RAB11FIP2: variants seen among roughly 807,000 people sequenced by gnomAD.
RAB11FIP2 encodes RAB11 family interacting protein 2, also known as rab11 family-interacting protein 2.
Under a neutral mutation model 40.9 loss-of-function variants are expected in RAB11FIP2, and 16 were observed. The observed-to-expected ratio is 0.39, with a 90% CI of 0.26 to 0.59. The LOEUF is 0.59. Ranked by LOEUF, RAB11FIP2 falls within the 20% of genes least tolerant of loss-of-function variation. The pLI is 0.53. For missense variants in RAB11FIP2, 532 were observed against 606.2 expected (o/e 0.88, Z 1.28); for synonymous variants, 228 against 213.7 (o/e 1.07, Z -0.58).
At position 118,040,328 on chromosome 10, in the gene RAB11FIP2, A is replaced by G. The variant is rs745423727; in HGVS notation, c.591T>C (p.Asn197=). Residue 197 remains asparagine (N), a synonymous_variant, in exon 2 of 5, where the codon AAT becomes AAC. Transcript: ENST00000355624. ...IIPSTHMPDA[N]SEFSSGEIQM... ...GTATTTCACCACTTGAAAATTCACT[A>G]TTGGCATCGGGCATGTGAGTACTTG... 4 of 1,613,890 alleles carry G rather than the reference A, an allele frequency of 2.5e-6. No individual in the cohort carries two copies. In the Admixed American group the frequency reaches 6.7e-5, roughly 27 times the overall value.
At chr10:118,042,438 A>T (rs1009800170) in intron 1 of RAB11FIP2, among the ~76,000 whole-genome samples, 1 of 152,156 alleles carries the variant, frequency 6.6e-6, no homozygotes, top group Non-Finnish European at 1.5e-5. Context: ...TAAAGAAAAA[A>T]ATCTAAAGTT....
At chr10:118,036,448 T>G (rs1036863656) in intron 3 of RAB11FIP2, among the ~76,000 whole-genome samples, 1 of 152,170 alleles carries the variant, frequency 6.6e-6, no homozygotes, top group South Asian at 2.1e-4. Flanking sequence ...GGGTTGATAC[T>G]GGGAGGAAAA....
intron 3 of RAB11FIP2, among the ~76,000 whole-genome samples, chr10:118,022,905 A>C (rs1385336419): frequency 2.0e-5 from 3 of 152,234 alleles, no homozygotes; most frequent in Admixed American, 6.5e-5. Flanking sequence ...AGTTCCACCA[A>C]CAAGATACCA....
chr10:118,009,160 C>T lies in RAB11FIP2; in HGVS notation c.1377G>A (p.Glu459=), dbSNP rs146055595. The part of the protein sequence containing the change: ...RSLTYEEVLQ[E]LVKHKELLRR... ...TAAGGAGTTCTTTGTGTTTCACCAGCTCCTGTAGAACCTCTTCATAGGTCA... is the reference window on the plus strand; with the variant it reads ...TAAGGAGTTCTTTGTGTTTCACCAGTTCCTGTAGAACCTCTTCATAGGTCA... The change falls in exon 5 of 5, where the codon GAG becomes GAA. Residue 459 remains glutamate, a synonymous_variant. Transcript: ENST00000355624. The T allele has an allele frequency of 1.9e-6, 3 of 1,613,598 alleles. No individual in the cohort carries two copies. Among genetic ancestry groups the T allele is most frequent in the Non-Finnish European group, 2.5e-6 (3 of 1,179,606 alleles).
chr10:118,040,633 A>G lies in RAB11FIP2; in HGVS notation c.354-68T>C, dbSNP rs916486705. 18 of 1,142,344 alleles carry G rather than the reference A, an allele frequency of 1.6e-5. 1 individual carries two copies. The Admixed American group carries it at 3.4e-4, about 21-fold the overall frequency. The allele number at this position is 1,142,344 out of a possible 1,614,324, so 70.8% of individuals were successfully genotyped here. A position where few individuals can be genotyped will look rare whatever the true frequency, so the allele number is the denominator to read the frequency against. ...GAGAGGATACTGAGTTCTGTTACATACAAATAGCCTTTTAGGTAAAGTAAC... is the reference window on the plus strand; with the variant it reads ...GAGAGGATACTGAGTTCTGTTACATGCAAATAGCCTTTTAGGTAAAGTAAC... On this transcript the variant is annotated intron_variant, in intron 1 of 4. Transcript: ENST00000355624.
chr10:118,023,003 C>T (rs1330675484), intron 3 of RAB11FIP2, among the ~76,000 whole-genome samples: 1 of 152,132 alleles, frequency 6.6e-6, no homozygotes, highest in Non-Finnish European at 1.5e-5. Context: ...GAGTGTTTTT[C>T]AGTTCTTTTT....
chr10:118,038,176 C>G (rs1040426009), intron 3 of RAB11FIP2, among the ~76,000 whole-genome samples: 1 of 151,690 alleles, frequency 6.6e-6, no homozygotes, highest in East Asian at 1.9e-4. Flanking sequence ...GCTATTTCAT[C>G]GTTTACTTCT....
At chr10:118,015,953 T>C (rs1564830632) in intron 3 of RAB11FIP2, among the ~76,000 whole-genome samples, 1 of 152,230 alleles carries the variant, frequency 6.6e-6, no homozygotes, top group Non-Finnish European at 1.5e-5. Flanking sequence ...CTGTAAAATA[T>C]GTATGTTTTC....
At chr10:118,019,829 GAAAAA>G (rs746080254) in intron 3 of RAB11FIP2, among the ~76,000 whole-genome samples, 1 of 98,926 alleles carries the variant, frequency 1.0e-5, no homozygotes. Context: ...CTGCCTCAAA[GAAAAA>G]AAAAAAAAAG....
In RAB11FIP2 at chr10:118,039,229, C is replaced by T. The variant is rs747204294; in HGVS notation, c.1008G>A (p.Met336Ile). 1.3e-5 allele frequency: 21 copies of T among 1,613,556 alleles called. No homozygotes were observed. The highest frequency in any genetic ancestry group is 7.7e-5 in the South Asian group (7 of 91,078). ...EESSETWDSS[M>I]NLFSKPIEIR... The stretch of plus-strand genomic sequence containing the variant: ...TTTCAATTGGTTTTGAAAATAAATT[C>T]ATGCTGCTGTCCCATGTTTCGCTGC... The change falls in exon 3 of 5, where the codon ATG becomes ATA. Residue 336 changes from methionine to isoleucine, a missense_variant. Physicochemically the swap from Met to Ile is conservative, Grantham distance 10. Coordinates refer to ENST00000355624, the MANE Select transcript of RAB11FIP2 (RefSeq NM_014904.3).
Position 118,046,142 on chromosome 10 carries a change from G to C in RAB11FIP2, c.22C>G (p.Gln8Glu), listed in dbSNP as rs1188042467. The C allele has an allele frequency of 6.2e-7, 1 of 1,613,986 alleles. No individual in the cohort carries two copies. Among genetic ancestry groups the C allele is most frequent in the Non-Finnish European group, 8.5e-7 (1 of 1,179,974 alleles). MMLSEQA[Q>E]KWFPTHVQVT... ...TGCACGTGGGTTGGAAACCACTTTT[G>C]GGCTTGCTCGGACAGCATCATCCTG... The change falls in exon 1 of 5, where the codon CAA (glutamine) becomes GAA (glutamate). Residue 8 changes from glutamine to glutamate, a missense_variant. By Grantham distance (29) the Gln-to-Glu change is conservative. Transcript: ENST00000355624.
intron 3 of RAB11FIP2, among the ~76,000 whole-genome samples, chr10:118,031,484 C>A (rs1327185780): frequency 1.3e-5 from 2 of 151,966 alleles, no homozygotes; most frequent in Non-Finnish European, 2.9e-5. Context: ...TTCCAGGTAA[C>A]CAATTTTTTT....
intron 3 of RAB11FIP2, among the ~76,000 whole-genome samples, chr10:118,035,081 C>A (rs1846464673): frequency 6.6e-6 from 1 of 152,114 alleles, no homozygotes; most frequent in African/African-American, 2.4e-5. Context: ...TCCTCTCTCT[C>A]CTCCTGCGCT....
At chr10:118,022,837 T>C (rs1846296985) in intron 3 of RAB11FIP2, among the ~76,000 whole-genome samples, 1 of 152,110 alleles carries the variant, frequency 6.6e-6, no homozygotes, top group Non-Finnish European at 1.5e-5. Context: ...CAGTACTTAA[T>C]AAAAATGTGT....
At chr10:118,010,896 G>A (rs948912298) in intron 4 of RAB11FIP2, among the ~76,000 whole-genome samples, 3 of 151,896 alleles carry the variant, frequency 2.0e-5, no homozygotes, top group African/African-American at 7.3e-5. Context: ...GGAAAATACT[G>A]TACAGGACAG....
At chr10:118,039,723 T>C (rs1846529970) in intron 2 of RAB11FIP2, 2 of 385,796 alleles carry the variant, frequency 5.2e-6, no homozygotes, top group Non-Finnish European at 9.2e-6. Flanking sequence ...GGCATGATAA[T>C]GTTAAAAATT....
At chr10:118,016,584 ATC>A (rs1846222367) in intron 3 of RAB11FIP2, among the ~76,000 whole-genome samples, 1 of 152,136 alleles carries the variant, frequency 6.6e-6, no homozygotes, top group Non-Finnish European at 1.5e-5. Flanking sequence ...AGTGGGATTA[ATC>A]TCTCCTACCC....
chr10:118,009,768 A>G (rs1846133940), intron 4 of RAB11FIP2, among the ~76,000 whole-genome samples: 1 of 152,136 alleles, frequency 6.6e-6, no homozygotes, highest in Non-Finnish European at 1.5e-5. Flanking sequence ...TCCTTACAGG[A>G]AGCCCCATGT....
intron 3 of RAB11FIP2, among the ~76,000 whole-genome samples, chr10:118,019,099 A>G (rs1368281295): frequency 6.6e-6 from 1 of 152,192 alleles, no homozygotes; most frequent in Admixed American, 6.5e-5. Flanking sequence ...TGTAAACCAT[A>G]AATTCCTGGT....
Sources: gnomAD v4.1 joint callset for allele counts (sites outside exome capture counted in the v4.1 genomes callset) on GRCh38, gnomAD v4.1.1 for gene constraint, MANE v1.5 for transcripts, NCBI Gene and HGNC (gene_info 2026-07-23, HGNC 2026-07-21) for gene names.